GCH1: variants seen among roughly 807,000 people sequenced by gnomAD.
The protein encoded by GCH1 is GTP cyclohydrolase I.
A neutral mutation model predicts 25.9 loss-of-function variants in GCH1; 5 were observed. That is an observed-to-expected ratio of 0.19 (90% confidence interval 0.10 to 0.41). GCH1 has a LOEUF of 0.41. Ranked by LOEUF, GCH1 falls within the 10% of genes least tolerant of loss-of-function variation. The pLI, the probability that GCH1 is intolerant of heterozygous loss-of-function variation, is 1.00. For synonymous variants in GCH1, 159 were observed against 129.6 expected, an observed-to-expected ratio of 1.23 and a Z score of -1.54; for missense variants, 261 against 336.5, an observed-to-expected ratio of 0.78 and a Z score of 1.75.
At chr14:54,880,292 C>T (rs1033125420) in intron 1 of GCH1, among the ~76,000 whole-genome samples, 3 of 146,816 alleles carry the variant, frequency 2.0e-5, no homozygotes, top group Non-Finnish European at 4.5e-5. Context: ...TGTCAAAACC[C>T]AATGTATTTT....
chr14:54,882,509 G>C (rs2040285700), intron 1 of GCH1, among the ~76,000 whole-genome samples: 1 of 152,214 alleles, frequency 6.6e-6, no homozygotes. Flanking sequence ...AATCAAAACA[G>C]TGTATTCAAG....
At chr14:54,900,842 ATC>A (rs1022835010) in intron 1 of GCH1, among the ~76,000 whole-genome samples, 5 of 95,200 alleles carry the variant, frequency 5.3e-5, no homozygotes, top group African/African-American at 8.0e-5. Context: ...ATTGTGAAAT[ATC>A]TCACACACAC....
At chr14:54,870,914 C>T (rs959478044) in intron 1 of GCH1, among the ~76,000 whole-genome samples, 1 of 152,242 alleles carries the variant, frequency 6.6e-6, no homozygotes, top group South Asian at 2.1e-4. Flanking sequence ...TAGACTCCAC[C>T]TCTGGGGGCA....
intron 3 of GCH1, among the ~76,000 whole-genome samples, chr14:54,856,871 C>G (rs912319229): frequency 1.3e-5 from 2 of 152,312 alleles, no homozygotes; most frequent in Middle Eastern, 6.8e-3. Context: ...TGAGCCAGAT[C>G]AACTCACTTC....
intron 3 of GCH1, among the ~76,000 whole-genome samples, chr14:54,849,266 T>C (rs998732957): frequency 1.3e-5 from 2 of 152,204 alleles, no homozygotes; most frequent in Admixed American, 6.6e-5. Context: ...AGTTTATTAG[T>C]TTTCTTTTAC....
chr14:54,888,388 T>C (rs1457647887), intron 1 of GCH1, among the ~76,000 whole-genome samples: 2 of 152,258 alleles, frequency 1.3e-5, no homozygotes, highest in Admixed American at 6.5e-5. Context: ...CTACTGCCTC[T>C]CCCTTCAGAA....
At chr14:54,848,229 T>C (rs370353457) in intron 3 of GCH1, among the ~76,000 whole-genome samples, 3 of 151,386 alleles carry the variant, frequency 2.0e-5, no homozygotes, top group East Asian at 3.9e-4. Flanking sequence ...CTCTGCCTCC[T>C]GGGTTCAAGC....
intron 1 of GCH1, among the ~76,000 whole-genome samples, chr14:54,886,651 G>A (rs2040357607): frequency 6.6e-6 from 1 of 152,108 alleles, no homozygotes; most frequent in South Asian, 2.1e-4. Context: ...TTATTGTCCC[G>A]ACTTTACAGA....
At chr14:54,862,514 C>G (rs191359974) in intron 2 of GCH1, among the ~76,000 whole-genome samples, 1 of 149,930 alleles carries the variant, frequency 6.7e-6, no homozygotes, top group Non-Finnish European at 1.5e-5. Flanking sequence ...TCCCGAGTAG[C>G]TGAGACCACA....
chr14:54,880,774 C>CATATATATATATACTCCAT (rs1437540437), intron 1 of GCH1, among the ~76,000 whole-genome samples: 1 of 52,276 alleles, frequency 1.9e-5, no homozygotes, highest in Non-Finnish European at 3.1e-5. Context: ...ATATATACTC[C>CATATATATATATACTCCAT]ATATATATAT....
At chr14:54,900,796 C>A (rs1225086826) in intron 1 of GCH1, among the ~76,000 whole-genome samples, 6 of 150,704 alleles carry the variant, frequency 4.0e-5, no homozygotes, top group Non-Finnish European at 7.4e-5. Context: ...CTGCAAGGGG[C>A]AAAATGAGTA....
In GCH1 at chr14:54,845,122, A is replaced by G. The variant is rs547832238; in HGVS notation, c.626+646T>C. Among the ~76,000 whole-genome samples the G allele has an allele frequency of 1.2e-3, 182 of 147,202 alleles. 1 individual carries two copies. Among genetic ancestry groups the G allele is most frequent in the African/African-American group, 4.2e-3 (168 of 39,794 alleles). On this transcript the variant is annotated intron_variant, in intron 5 of 5. Coordinates refer to ENST00000491895, the MANE Select transcript of GCH1 (RefSeq NM_000161.3). ...TGGGAGGCAGAGGTTGCAGTGAGCC[A>G]AGATCACACCATTGCACTCCAGCCT... is the stretch of plus-strand genomic sequence containing the variant.
intron 1 of GCH1, among the ~76,000 whole-genome samples, chr14:54,889,281 G>T (rs1226828053): frequency 1.3e-5 from 2 of 152,212 alleles, no homozygotes; most frequent in African/African-American, 4.8e-5. Flanking sequence ...CCTCTCATCT[G>T]ATCTCCAGGC....
intron 1 of GCH1, among the ~76,000 whole-genome samples, chr14:54,884,283 C>G (rs2040314850): frequency 6.6e-6 from 1 of 151,636 alleles, no homozygotes; most frequent in Non-Finnish European, 1.5e-5. Flanking sequence ...TTTACCCAGG[C>G]CTAAAGGTCG....
At chr14:54,862,608 G>T (rs201773870) in intron 2 of GCH1, among the ~76,000 whole-genome samples, 2,557 of 70,364 alleles carry the variant, frequency 0.036, 13 homozygotes, top group Middle Eastern at 0.052. Flanking sequence ...TTTTTTTTTT[G>T]GTTGGTTTTT....
At chr14:54,854,838 T>C (rs1424727888) in intron 3 of GCH1, among the ~76,000 whole-genome samples, 1 of 152,238 alleles carries the variant, frequency 6.6e-6, no homozygotes. Flanking sequence ...TGATGAAAAG[T>C]GTGTTGGCCG....
Position 54,856,444 on chromosome 14 carries a change from A to ATTAT in GCH1, c.509+3233_509+3236dup, listed in dbSNP as rs201488452. 5.8e-3 allele frequency among the ~76,000 whole-genome samples: 887 copies of ATTAT among 152,080 alleles called. 11 individuals carry two copies. Among genetic ancestry groups the ATTAT allele is most frequent in the African/African-American group, 0.02 (834 of 41,462 alleles). The stretch of plus-strand genomic sequence containing the variant: ...ATTCAAGATTTCGTACATTCACTCA[A>ATTAT]TTATTTATTTATTTATTTATTTTTA... On this transcript the variant is annotated intron_variant, in intron 3 of 5. Coordinates refer to ENST00000491895, the MANE Select transcript of GCH1 (RefSeq NM_000161.3).
At chr14:54,856,345 T>C (rs2039811334) in intron 3 of GCH1, among the ~76,000 whole-genome samples, 1 of 152,218 alleles carries the variant, frequency 6.6e-6, no homozygotes, top group Admixed American at 6.5e-5. Flanking sequence ...TCCTGCTTCT[T>C]TAGCCTCCAC....
intron 1 of GCH1, among the ~76,000 whole-genome samples, chr14:54,870,944 G>A (rs1397140719): frequency 6.6e-6 from 1 of 152,192 alleles, no homozygotes; most frequent in Non-Finnish European, 1.5e-5. Flanking sequence ...CGAACAAAAG[G>A]CAGCAGAAAC....
Sources: allele counts gnomAD v4.1 joint callset (sites outside exome capture counted in the v4.1 genomes callset), GRCh38; gene constraint gnomAD v4.1.1; transcripts MANE v1.5; gene names NCBI Gene and HGNC (gene_info 2026-07-23, HGNC 2026-07-21).